The following PEBP4 variants were observed in gnomAD, a reference collection of about 807,000 sequenced individuals.
PEBP4 encodes phosphatidylethanolamine-binding protein 4.
A neutral mutation model predicts 23.9 loss-of-function variants in PEBP4; 22 were observed. The observed-to-expected ratio is 0.92, with a 90% CI of 0.66 to 1.31. The LOEUF is 1.31. Among genes scored for constraint, PEBP4 ranks in the 40% most tolerant of loss-of-function variants. The probability of loss-of-function intolerance (pLI) is 0.00; values close to 1 mark genes in which losing one functional copy is unlikely to be tolerated. For missense variants in PEBP4, 324 were observed against 281.7 expected, an observed-to-expected ratio of 1.15 and a Z score of -1.07; for synonymous variants, 112 against 99.3, an observed-to-expected ratio of 1.13 and a Z score of -0.76.
intron 3 of PEBP4, among the ~76,000 whole-genome samples, chr8:22,839,350 G>A (rs1180289084): frequency 2.6e-5 from 4 of 152,214 alleles, no homozygotes; most frequent in East Asian, 3.9e-4. Flanking sequence ...GTGGCATGGC[G>A]GTGTCCTGCT....
intron 3 of PEBP4, among the ~76,000 whole-genome samples, chr8:22,875,576 C>T (rs1808102645): frequency 1.3e-5 from 2 of 152,150 alleles, no homozygotes; most frequent in Non-Finnish European, 2.9e-5. Context: ...TTTGGCACTT[C>T]TTGTCTCTAA....
Position 22,775,874 on chromosome 8 carries a change from T to C in PEBP4, c.357+41763A>G, listed in dbSNP as rs1805805499. 6.6e-6 allele frequency among the ~76,000 whole-genome samples: 1 copy of C among 152,068 alleles called. No homozygotes were observed. Among genetic ancestry groups the C allele is most frequent in the Non-Finnish European group, 1.5e-5 (1 of 67,990 alleles). On this transcript the variant is annotated intron_variant, in intron 4 of 6. Transcript: ENST00000256404. The surrounding 1 kb of genome is among the most constrained non-coding windows in gnomAD (Gnocchi z 4.8). Reference sequence around the variant, plus strand: ...CCGACTCCTTGGCTCTTGGGGGGGTTTCCCGTTCTGGAGGCGCCGGCAGTG... The same window carrying C: ...CCGACTCCTTGGCTCTTGGGGGGGTCTCCCGTTCTGGAGGCGCCGGCAGTG...
chr8:22,818,030 C>CG (rs1806782445), intron 3 of PEBP4, among the ~76,000 whole-genome samples: 1 of 152,164 alleles, frequency 6.6e-6, no homozygotes, highest in African/African-American at 2.4e-5. Flanking sequence ...TGCTGAGTGC[C>CG]GTGGAGGAAT....
At chr8:22,811,741 C>T (rs768035810) in intron 4 of PEBP4, among the ~76,000 whole-genome samples, 2 of 152,210 alleles carry the variant, frequency 1.3e-5, no homozygotes, top group Admixed American at 6.5e-5. Context: ...GGCTCCAACA[C>T]GCTTTGGTTT....
intron 3 of PEBP4, chr8:22,884,959 A>G (rs1252897270): frequency 1.3e-5 from 2 of 152,208 alleles, no homozygotes; most frequent in Admixed American, 6.5e-5. Flanking sequence ...TGTTATCTCC[A>G]TCCTGAATCA....
At chr8:22,812,906 T>G (rs1176501516) in intron 4 of PEBP4, among the ~76,000 whole-genome samples, 1 of 152,146 alleles carries the variant, frequency 6.6e-6, no homozygotes, top group Admixed American at 6.5e-5. Flanking sequence ...TTTCCTTGTC[T>G]CCACCCTGAA....
At position 22,735,839 on chromosome 8, in the gene PEBP4, C is replaced by T. The variant is rs111778856; in HGVS notation, c.358-8619G>A. Among the ~76,000 whole-genome samples, 523 of 152,380 alleles carry T rather than the reference C, an allele frequency of 3.4e-3. 4 individuals carry two copies. The highest frequency in any genetic ancestry group is 0.012 in the African/African-American group (495 of 41,594). Reference sequence around the variant, plus strand: ...ACTCTTGGACCCCCAAACCCAAACACCTCCCTTTTACAAACAGTAATTTTT... The same window carrying T: ...ACTCTTGGACCCCCAAACCCAAACATCTCCCTTTTACAAACAGTAATTTTT... On this transcript the variant is annotated intron_variant, in intron 4 of 6. Coordinates refer to ENST00000256404, the MANE Select transcript of PEBP4 (RefSeq NM_144962.3).
chr8:22,772,522 G>A (rs1805737346), intron 4 of PEBP4, among the ~76,000 whole-genome samples: 1 of 143,232 alleles, frequency 7.0e-6, no homozygotes, highest in African/African-American at 2.5e-5. Flanking sequence ...TTGAGACAGG[G>A]TCTTGCTCTG....
chr8:22,812,972 A>G (rs535741106), intron 4 of PEBP4, among the ~76,000 whole-genome samples: 20 of 152,278 alleles, frequency 1.3e-4, no homozygotes, highest in African/African-American at 4.8e-4. Context: ...AGAGAGGTCA[A>G]ACAACTCGCT....
intron 3 of PEBP4, among the ~76,000 whole-genome samples, chr8:22,881,892 TGA>T (rs1429937142): frequency 6.6e-6 from 1 of 152,244 alleles, no homozygotes. Flanking sequence ...AAAATGGTGC[TGA>T]GAGTGGCTAC....
At chr8:22,794,443 G>A (rs1806201364) in intron 4 of PEBP4, among the ~76,000 whole-genome samples, 1 of 152,038 alleles carries the variant, frequency 6.6e-6, no homozygotes. Context: ...AGGCCCCTAT[G>A]CCAGCTAATT....
chr8:22,807,691 AC>A (rs1806527069), intron 4 of PEBP4, among the ~76,000 whole-genome samples: 1 of 151,992 alleles, frequency 6.6e-6, no homozygotes, highest in Non-Finnish European at 1.5e-5. Context: ...GTATCCTCTG[AC>A]TTTTCCAGGC....
intron 4 of PEBP4, among the ~76,000 whole-genome samples, chr8:22,795,832 A>G (rs530235208): frequency 6.6e-6 from 1 of 152,362 alleles, no homozygotes; most frequent in East Asian, 1.9e-4. Context: ...ACTTGTTAGT[A>G]TAAAAATAAC....
intron 4 of PEBP4, among the ~76,000 whole-genome samples, chr8:22,787,453 G>T (rs1165876938): frequency 6.6e-6 from 1 of 152,040 alleles, no homozygotes; most frequent in Non-Finnish European, 1.5e-5. Flanking sequence ...GCGGGGGAGG[G>T]GGATACCAAC....
At chr8:22,804,478 C>A (rs1806454106) in intron 4 of PEBP4, among the ~76,000 whole-genome samples, 2 of 152,154 alleles carry the variant, frequency 1.3e-5, no homozygotes, top group Non-Finnish European at 2.9e-5. Context: ...TTCTTTCTTT[C>A]TTTTTTATTA....
chr8:22,848,411 T>A (rs73553896), intron 3 of PEBP4, among the ~76,000 whole-genome samples: 3,890 of 151,558 alleles, frequency 0.026, 175 homozygotes, highest in African/African-American at 0.089. Flanking sequence ...CAGGGGAGGA[T>A]GAGTGTGTGG....
chr8:22,723,217 T>C (rs1487790391), intron 6 of PEBP4, among the ~76,000 whole-genome samples: 1 of 152,084 alleles, frequency 6.6e-6, no homozygotes, highest in Admixed American at 6.6e-5. Context: ...CGTTTTGGCT[T>C]CCTTGCCTGG....
rs1328112598 is a variant in PEBP4, at chr8:22,773,887, G to A, written c.357+43750C>T. 2.0e-5 allele frequency among the ~76,000 whole-genome samples: 3 copies of A among 152,134 alleles called. No individual in the cohort carries two copies. The East Asian group carries it at 5.8e-4, about 29-fold the overall frequency. ...AGGGACCTTCCCTGTTCTGACCAGA[G>A]GACGATGGGAGAGTTGGGAAGAAGG... On this transcript the variant is annotated intron_variant, in intron 4 of 6. Coordinates refer to ENST00000256404, the MANE Select transcript of PEBP4 (RefSeq NM_144962.3).
intron 3 of PEBP4, among the ~76,000 whole-genome samples, chr8:22,871,764 G>C (rs1334424271): frequency 2.0e-5 from 3 of 151,934 alleles, no homozygotes; most frequent in African/African-American, 7.3e-5. Context: ...ATGTTGGCCA[G>C]GATGGTGTTG....
Sources: gnomAD v4.1 joint callset for allele counts (sites outside exome capture counted in the v4.1 genomes callset) on GRCh38, gnomAD v4.1.1 for gene constraint, Gnocchi (gnomAD v3.1) non-coding constraint, MANE v1.5 for transcripts, NCBI Gene and HGNC (gene_info 2026-07-23, HGNC 2026-07-21) for gene names.